The following CDK14 variants were observed in gnomAD, a reference collection of about 807,000 sequenced individuals.
The protein encoded by CDK14 is cyclin dependent kinase 14.
CDK14 carries 34 observed loss-of-function variants against 60.7 expected under a neutral mutation model. That is an observed-to-expected ratio of 0.56 (90% CI 0.43 to 0.75). The LOEUF is 0.75. CDK14 is among the 30% of genes least tolerant of loss of function. CDK14 has a pLI of 0.00. For synonymous variants in CDK14, 197 were observed against 203.7 expected, an observed-to-expected ratio of 0.97 and a Z score of 0.28; for missense variants, 482 against 564.1, an observed-to-expected ratio of 0.85 and a Z score of 1.47.
intron 3 of CDK14, among the ~76,000 whole-genome samples, chr7:90,729,623 C>T (rs904555582): frequency 2.6e-5 from 4 of 151,190 alleles, no homozygotes; most frequent in African/African-American, 9.7e-5. Context: ...TTGGGCTTAC[C>T]CTTTCCTGGT....
At chr7:91,201,165 A>G (rs1802706912) in intron 14 of CDK14, among the ~76,000 whole-genome samples, 1 of 152,222 alleles carries the variant, frequency 6.6e-6, no homozygotes, top group Non-Finnish European at 1.5e-5. Flanking sequence ...CTAATACATA[A>G]AGCTAAATTT....
At chr7:90,663,607 T>G (rs553233321) in intron 2 of CDK14, among the ~76,000 whole-genome samples, 1 of 152,232 alleles carries the variant, frequency 6.6e-6, no homozygotes, top group Non-Finnish European at 1.5e-5. Flanking sequence ...AATATTTTGG[T>G]CATACTCTTC....
At chr7:90,828,924 G>A (rs990217176) in intron 5 of CDK14, among the ~76,000 whole-genome samples, 2 of 152,076 alleles carry the variant, frequency 1.3e-5, no homozygotes, top group Non-Finnish European at 2.9e-5. Flanking sequence ...TGGAGATTGG[G>A]CAATTTATAA....
At chr7:90,776,826 A>G (rs1805066803) in intron 4 of CDK14, among the ~76,000 whole-genome samples, 1 of 152,168 alleles carries the variant, frequency 6.6e-6, no homozygotes, top group Non-Finnish European at 1.5e-5. Context: ...GATCTATGAA[A>G]AATTGGAGAG....
chr7:90,986,107 G>C (rs181339037), intron 10 of CDK14, among the ~76,000 whole-genome samples: 1 of 152,000 alleles, frequency 6.6e-6, no homozygotes, highest in East Asian at 1.9e-4. Context: ...TTTGGAACCA[G>C]CTATTTCCAC....
intron 8 of CDK14, among the ~76,000 whole-genome samples, chr7:90,919,622 T>A (rs1429411175): frequency 6.6e-6 from 1 of 152,190 alleles, no homozygotes; most frequent in Non-Finnish European, 1.5e-5. Context: ...CACTTGCATA[T>A]CACATAGCCT....
intron 5 of CDK14, among the ~76,000 whole-genome samples, chr7:90,820,146 GTA>G (rs1789493045): frequency 6.6e-6 from 1 of 152,032 alleles, no homozygotes; most frequent in Admixed American, 6.6e-5. Context: ...ATATTTTTTA[GTA>G]TGAGTATGAC....
At chr7:90,988,298 C>A in intron 10 of CDK14, among the ~76,000 whole-genome samples, 1 of 152,086 alleles carries the variant, frequency 6.6e-6, no homozygotes, top group East Asian at 1.9e-4. Context: ...ACTGTTAAAT[C>A]ATTTTCCTTG....
Position 90,845,196 on chromosome 7 carries a change from T to TTGAA in CDK14, c.545-17967_545-17964dup, listed in dbSNP as rs1043785705. ...AGAGTAGTCACTCAGTAAACATTTA[T>TTGAA]TGAATGAATGAATGAGTTCTCTTAA... On this transcript the variant is annotated intron_variant, in intron 5 of 14. Transcript: ENST00000380050. 1.3e-4 allele frequency among the ~76,000 whole-genome samples: 20 copies of TTGAA among 152,254 alleles called. 1 individual carries two copies. The South Asian group carries it at 3.9e-3, about 30-fold the overall frequency.
At chr7:91,149,069 G>T (rs1029032977) in intron 14 of CDK14, among the ~76,000 whole-genome samples, 3 of 151,980 alleles carry the variant, frequency 2.0e-5, no homozygotes, top group South Asian at 2.1e-4. Context: ...AAACAATTTT[G>T]CCCTGTTGAG....
chr7:90,918,505 C>T (rs10269076), intron 8 of CDK14, among the ~76,000 whole-genome samples: 64,171 of 152,068 alleles, frequency 0.42, 14,159 homozygotes, highest in East Asian at 0.52. Context: ...TCAAGGTTGA[C>T]GTTTCTGCAT....
chr7:90,950,177 A>G (rs1349435403), intron 8 of CDK14, among the ~76,000 whole-genome samples: 1 of 152,102 alleles, frequency 6.6e-6, no homozygotes, highest in Non-Finnish European at 1.5e-5. Context: ...CCTGGGTTCA[A>G]GTGATTCTCG....
At position 90,973,642 on chromosome 7, in the gene CDK14, A is replaced by G. The variant is rs564087020; in HGVS notation, c.948-10506A>G. On this transcript the variant is annotated intron_variant, in intron 9 of 14. Transcript: ENST00000380050. ...AGAAATAAAGAGAAAGAATACAAAG[A>G]GAGAAATTTTACAGCTGGGCCTCTG... 4.9e-4 allele frequency among the ~76,000 whole-genome samples: 75 copies of G among 152,274 alleles called. No individual in the cohort carries two copies. The South Asian group carries it at 0.014, about 28-fold the overall frequency.
In CDK14 at chr7:90,957,064, G is replaced by A. The variant is rs531175540; in HGVS notation, c.947+1247G>A. Among the ~76,000 whole-genome samples the A allele has an allele frequency of 9.4e-5, 14 of 149,694 alleles. No individual in the cohort carries two copies. The South Asian group carries it at 1.1e-3, about 12-fold the overall frequency. On this transcript the variant is annotated intron_variant, in intron 9 of 14. Coordinates refer to ENST00000380050, the MANE Select transcript of CDK14 (RefSeq NM_001287135.2). ...AGTCTTTGCTATTGTGAATAATGCC[G>A]CAATAAACATACGTGTGCATGTGTC...
intron 9 of CDK14, among the ~76,000 whole-genome samples, chr7:90,981,424 A>T (rs1795224216): frequency 6.6e-6 from 1 of 152,218 alleles, no homozygotes; most frequent in Admixed American, 6.5e-5. Context: ...TATGATATAA[A>T]ATGGCATTTG....
chr7:91,020,828 A>G (rs1458336241), intron 10 of CDK14, among the ~76,000 whole-genome samples: 1 of 152,184 alleles, frequency 6.6e-6, no homozygotes, highest in Non-Finnish European at 1.5e-5. Context: ...CAAGTCCTGG[A>G]ATCAGGATCT....
intron 8 of CDK14, among the ~76,000 whole-genome samples, chr7:90,947,070 A>G (rs1259959907): frequency 1.3e-5 from 2 of 152,158 alleles, no homozygotes; most frequent in Non-Finnish European, 2.9e-5. Flanking sequence ...GTATTTCCTT[A>G]ACGATTTTCT....
intron 5 of CDK14, among the ~76,000 whole-genome samples, chr7:90,835,457 C>T (rs61088646): frequency 0.014 from 2,085 of 152,168 alleles, 65 homozygotes; most frequent in African/African-American, 0.048. Context: ...GTTGAGTTTG[C>T]CCTTTGTAGG....
At chr7:90,871,868 G>GT (rs1791383256) in intron 6 of CDK14, among the ~76,000 whole-genome samples, 1 of 152,150 alleles carries the variant, frequency 6.6e-6, no homozygotes, top group African/African-American at 2.4e-5. Context: ...GTGAATCCAG[G>GT]TAACTACAAG....
Sources: allele counts gnomAD v4.1 joint callset (sites outside exome capture counted in the v4.1 genomes callset), GRCh38; gene constraint gnomAD v4.1.1; transcripts MANE v1.5; gene names NCBI Gene and HGNC (gene_info 2026-07-23, HGNC 2026-07-21).